Variants in PLD5 observed in about 807,000 individuals in gnomAD.
PLD5 encodes inactive phospholipase D5.
A neutral mutation model predicts 61.1 loss-of-function variants in PLD5; 36 were observed. That is an observed-to-expected ratio of 0.59 (90% CI 0.45 to 0.78). The LOEUF is 0.78. PLD5 is among the 30% of genes least tolerant of loss of function. The pLI is 0.00. For missense variants in PLD5, 515 were observed against 644.4 expected, an observed-to-expected ratio of 0.80 and a Z score of 2.17; for synonymous variants, 243 against 242.8, an observed-to-expected ratio of 1.00 and a Z score of -0.01.
chr1:242,433,632 G>A (rs1464322042), intron 1 of PLD5, among the ~76,000 whole-genome samples: 1 of 152,156 alleles, frequency 6.6e-6, no homozygotes, highest in Non-Finnish European at 1.5e-5. Flanking sequence ...TCTTTGTTCT[G>A]GAGAAGCTAA....
At chr1:242,506,542 T>C (rs2102995869) in intron 1 of PLD5, among the ~76,000 whole-genome samples, 1 of 152,132 alleles carries the variant, frequency 6.6e-6, no homozygotes, top group East Asian at 1.9e-4. Context: ...AATGGAAGAA[T>C]AGGAAATCAG....
intron 1 of PLD5, among the ~76,000 whole-genome samples, chr1:242,433,865 C>A (rs532982696): frequency 6.6e-6 from 1 of 152,112 alleles, no homozygotes; most frequent in Admixed American, 6.5e-5. Flanking sequence ...CTGAGACCAG[C>A]GTGTGATTGT....
At chr1:242,288,683 G>T (rs1406516352) in intron 2 of PLD5, among the ~76,000 whole-genome samples, 153 bp from the exon 3 acceptor site, 2 of 152,110 alleles carry the variant, frequency 1.3e-5, no homozygotes, top group Non-Finnish European at 2.9e-5. Context: ...TTCCACAAAA[G>T]TCTTCTTACA....
At chr1:242,395,399 G>A (rs1237361413) in intron 1 of PLD5, among the ~76,000 whole-genome samples, 1 of 152,008 alleles carries the variant, frequency 6.6e-6, no homozygotes, top group Non-Finnish European at 1.5e-5. Context: ...TTTGGCTATA[G>A]ACAACAGGGA....
At chr1:242,241,221 G>C (rs1671979937) in intron 4 of PLD5, among the ~76,000 whole-genome samples, 1 of 152,114 alleles carries the variant, frequency 6.6e-6, no homozygotes, top group Non-Finnish European at 1.5e-5. Flanking sequence ...ATGATGTCAG[G>C]AAAGCTCCCC....
chr1:242,502,707 G>A lies in PLD5; in HGVS notation c.189+21381C>T, dbSNP rs188833343. On this transcript the variant is annotated intron_variant, in intron 1 of 9. Transcript: ENST00000536534. ...TGTATGTGCGTGTGTGTGTGTGTGC[G>A]TATCTCCTGACTTCTGCAAATAAAT... 4.9e-4 allele frequency among the ~76,000 whole-genome samples: 75 copies of A among 152,148 alleles called. No individual in the cohort carries two copies. The South Asian group carries it at 9.5e-3, about 19-fold the overall frequency.
intron 4 of PLD5, among the ~76,000 whole-genome samples, chr1:242,223,177 C>G (rs1001497541): frequency 6.6e-6 from 1 of 152,186 alleles, no homozygotes; most frequent in Non-Finnish European, 1.5e-5. Context: ...ATGAGGATCT[C>G]TCTCTGACTT....
In PLD5 at chr1:242,100,738, T is replaced by C. The variant is rs754871679; in HGVS notation, c.1284A>G (p.Glu428=). ...LERENACATK[E]QKNHTFPRLN... ...ACCTAGGAAAGGTGTGATTCTTTTG[T>C]TCTTTTGTAGCACAAGCATTCTCTC... Residue 428 remains glutamate (E), a synonymous_variant, in exon 9 of 10, where the codon GAA becomes GAG. Coordinates refer to ENST00000536534, the MANE Select transcript of PLD5 (RefSeq NM_001372062.1). 1 of 1,614,138 alleles carries C rather than the reference T, an allele frequency of 6.2e-7. No individual in the cohort carries two copies. Among genetic ancestry groups the C allele is most frequent in the South Asian group, 1.1e-5 (1 of 91,078 alleles).
chr1:242,133,793 C>T (rs77142235), intron 5 of PLD5, among the ~76,000 whole-genome samples: 1 of 152,072 alleles, frequency 6.6e-6, no homozygotes, highest in Admixed American at 6.6e-5. Context: ...ACAGATAAAA[C>T]CTTGAGTAGA....
At chr1:242,179,325 G>C (rs1667369356) in intron 5 of PLD5, among the ~76,000 whole-genome samples, 1 of 152,186 alleles carries the variant, frequency 6.6e-6, no homozygotes, top group African/African-American at 2.4e-5. Context: ...AATCAAAGGA[G>C]GCCTTGTCTG....
intron 1 of PLD5, among the ~76,000 whole-genome samples, chr1:242,472,613 T>C (rs1667477922): frequency 6.6e-6 from 1 of 152,248 alleles, no homozygotes; most frequent in African/African-American, 2.4e-5. Context: ...ATATTCTCAA[T>C]TATGAACTGG....
In PLD5 at chr1:242,394,710, ATG is replaced by A. The variant is rs1230540966; in HGVS notation, c.190-46470_190-46469del. On this transcript the variant is annotated intron_variant, in intron 1 of 9. Transcript: ENST00000536534. Reference sequence around the variant, plus strand: ...TATATGTGTATATATGTGAACATATATGTGTATATATGTGAACATATATGTGT... The same window carrying A: ...TATATGTGTATATATGTGAACATATATGTATATATGTGAACATATATGTGT... 5.0e-5 allele frequency among the ~76,000 whole-genome samples: 3 copies of A among 59,890 alleles called. 1 individual carries two copies. The highest frequency in any genetic ancestry group is 7.7e-4 in the East Asian group (2 of 2,582). The allele number at this position is 59,890 out of a possible 152,430, so 39.3% of individuals were successfully genotyped here.
At position 242,394,291 on chromosome 1, in the gene PLD5, A is replaced by T. The variant is rs191880001; in HGVS notation, c.190-46049T>A. ...GAGTATATATATGTGTATATATATG[A>T]GTATATATATGAGTATATATGTGTG... On this transcript the variant is annotated intron_variant, in intron 1 of 9. Transcript: ENST00000536534. 2.3e-4 allele frequency among the ~76,000 whole-genome samples: 17 copies of T among 75,370 alleles called. 2 individuals carry two copies. Among genetic ancestry groups the T allele is most frequent in the African/African-American group, 7.8e-4 (12 of 15,464 alleles). 49.4% of individuals were successfully genotyped at this position (75,370 alleles called of 152,430 possible).
Position 242,163,147 on chromosome 1 carries a change from C to A in PLD5, c.736-38482G>T, listed in dbSNP as rs111364051. ...CAAGTCTTTTATTTTCTTTTCTTTT[C>A]TTTCTTTTCTTGAGACGACGGAGTC... On this transcript the variant is annotated intron_variant, in intron 5 of 9. Transcript: ENST00000536534. Among the ~76,000 whole-genome samples the A allele has an allele frequency of 1.8e-3, 257 of 142,048 alleles. 1 individual carries two copies. Among genetic ancestry groups the A allele is most frequent in the Admixed American group, 4.2e-3 (59 of 14,108 alleles). The allele number at this position is 142,048 out of a possible 152,430, so 93.2% of individuals were successfully genotyped here.
rs34280777 is a variant in PLD5, at chr1:242,168,846, GTTTTT to G, written c.736-44186_736-44182del. 4.5e-5 allele frequency among the ~76,000 whole-genome samples: 5 copies of G among 111,276 alleles called. 1 individual carries two copies. The highest frequency in any genetic ancestry group is 7.2e-4 in the East Asian group (2 of 2,774). The allele number at this position is 111,276 out of a possible 152,430, so 73.0% of individuals were successfully genotyped here. ...TCCATGACAGTTTTTAATTAATGAA[GTTTTT>G]TTTTTTTTTTTTTTTACCACCCCCC... On this transcript the variant is annotated intron_variant, in intron 5 of 9. Transcript: ENST00000536534.
chr1:242,467,921 C>T (rs1282545175), intron 1 of PLD5, among the ~76,000 whole-genome samples: 1 of 151,712 alleles, frequency 6.6e-6, no homozygotes, highest in Non-Finnish European at 1.5e-5. Flanking sequence ...CCAGTAGAAC[C>T]GCCCCCCAAA....
chr1:242,234,304 C>A (rs1174039027), intron 4 of PLD5, among the ~76,000 whole-genome samples: 2 of 152,124 alleles, frequency 1.3e-5, no homozygotes, highest in African/African-American at 2.4e-5. Flanking sequence ...TCTAAGACTT[C>A]TAAGTTCTCC....
chr1:242,348,683 C>A (rs1574775358), intron 1 of PLD5, among the ~76,000 whole-genome samples: 1 of 152,290 alleles, frequency 6.6e-6, no homozygotes, highest in African/African-American at 2.4e-5. Flanking sequence ...ATGACAGAAC[C>A]CTCAGGAGAT....
At chr1:242,145,518 C>G (rs1263694257) in intron 5 of PLD5, among the ~76,000 whole-genome samples, 1 of 151,900 alleles carries the variant, frequency 6.6e-6, no homozygotes, top group African/African-American at 2.4e-5. Flanking sequence ...TTTAAGAACC[C>G]ACAACAAGAG....
Sources: allele counts gnomAD v4.1 joint callset (sites outside exome capture counted in the v4.1 genomes callset), GRCh38; gene constraint gnomAD v4.1.1; transcripts MANE v1.5; gene names NCBI Gene and HGNC (gene_info 2026-07-23, HGNC 2026-07-21).